PLXDC1: variants seen among roughly 807,000 people sequenced by gnomAD.
PLXDC1 encodes the protein plexin domain containing 1.
A neutral mutation model predicts 61.3 loss-of-function variants in PLXDC1; 39 were observed. The ratio of observed to expected loss-of-function variants is 0.64; its 90% confidence interval spans 0.49 to 0.83. The LOEUF (loss-of-function observed/expected upper bound fraction) is 0.83. Ranked by LOEUF, PLXDC1 falls within the 40% of genes least tolerant of loss-of-function variation. The pLI is 0.00. For synonymous variants in PLXDC1, 212 were observed against 254.5 expected, an observed-to-expected ratio of 0.83 and a Z score of 1.59; for missense variants, 596 against 666.5, an observed-to-expected ratio of 0.89 and a Z score of 1.17.
At chr17:39,091,820 G>A (rs142733828) in intron 7 of PLXDC1, among the ~76,000 whole-genome samples, 2,506 of 152,014 alleles carry the variant, frequency 0.016, 74 homozygotes, top group African/African-American at 0.057. Flanking sequence ...TTAGCCAGGC[G>A]TGGTGGTGAG....
Position 39,107,272 on chromosome 17 carries a change from G to C in PLXDC1, c.711+135C>G, listed in dbSNP as rs141511167. 6.6e-6 allele frequency: 4 copies of C among 608,130 alleles called. No individual in the cohort carries two copies. The East Asian group carries it at 1.1e-4, about 17-fold the overall frequency. 37.7% of individuals were successfully genotyped at this position (608,130 alleles called of 1,614,324 possible). A position where few individuals can be genotyped will look rare whatever the true frequency, so the allele number is the denominator to read the frequency against. ...CAGACTTACTGCTCCAAAAGGGTAG[G>C]ACCCGCAAACATCTTGTTAACTGCT... On this transcript the variant is annotated intron_variant, in intron 6 of 13. Coordinates refer to ENST00000315392, the MANE Select transcript of PLXDC1 (RefSeq NM_020405.5).
At chr17:39,087,223 C>A (rs1166298926) in intron 8 of PLXDC1, among the ~76,000 whole-genome samples, 2 of 152,210 alleles carry the variant, frequency 1.3e-5, no homozygotes, top group Non-Finnish European at 2.9e-5. Flanking sequence ...AATACAGTGA[C>A]AAACTGAGGC....
chr17:39,129,626 A>T (rs1047744549), intron 2 of PLXDC1, among the ~76,000 whole-genome samples: 1 of 130,340 alleles, frequency 7.7e-6, no homozygotes, highest in Non-Finnish European at 1.6e-5. Context: ...GAAAGAAAGA[A>T]AGAAAAGAAA....
At chr17:39,070,480 A>G (rs1909073484) in intron 12 of PLXDC1, 1 of 154,414 alleles carries the variant, frequency 6.5e-6, no homozygotes, top group Non-Finnish European at 1.4e-5. Flanking sequence ...ACACCCACCT[A>G]ATAGGGTTAT....
chr17:39,146,693 T>C (rs1335022516), intron 1 of PLXDC1, among the ~76,000 whole-genome samples: 2 of 150,902 alleles, frequency 1.3e-5, no homozygotes, highest in East Asian at 4.0e-4. Context: ...TTATTAATAA[T>C]AAATTTTAAA....
At chr17:39,086,833 G>A (rs891716386) in intron 8 of PLXDC1, among the ~76,000 whole-genome samples, 1 of 120,050 alleles carries the variant, frequency 8.3e-6, no homozygotes, top group Non-Finnish European at 1.6e-5. Context: ...CTGCACTCTA[G>A]CCTGGGCAAC....
chr17:39,100,732 G>C (rs1400886064), intron 7 of PLXDC1, among the ~76,000 whole-genome samples: 1 of 152,242 alleles, frequency 6.6e-6, no homozygotes. Flanking sequence ...AGGTGATACG[G>C]AGATGATTTA....
In PLXDC1 at chr17:39,149,048, T is replaced by C. The variant is rs73983243; in HGVS notation, c.76+2314A>G. 6.7e-3 allele frequency among the ~76,000 whole-genome samples: 1,023 copies of C among 152,250 alleles called. 13 individuals are homozygous for C. The highest frequency in any genetic ancestry group is 0.023 in the African/African-American group (960 of 41,522). ...CCATCTGACCAGACTGTCAGTTCCC[T>C]GGGCCCCTGCTCTGCACCCCAAGGC... On this transcript the variant is annotated intron_variant, in intron 1 of 13. Transcript: ENST00000315392.
intron 2 of PLXDC1, among the ~76,000 whole-genome samples, chr17:39,128,065 C>A (rs74558567): frequency 1.1e-4 from 3 of 26,522 alleles, no homozygotes; most frequent in South Asian, 3.1e-3. Flanking sequence ...CTCTCTCTCT[C>A]TGTCTCTCTC....
chr17:39,131,246 G>A (rs137897934), intron 2 of PLXDC1, among the ~76,000 whole-genome samples: 1 of 152,256 alleles, frequency 6.6e-6, no homozygotes, highest in African/African-American at 2.4e-5. Flanking sequence ...GACCAAGATC[G>A]AGGGCCAGGA....
intron 6 of PLXDC1, among the ~76,000 whole-genome samples, chr17:39,106,787 T>G (rs977519749): frequency 2.0e-5 from 3 of 151,840 alleles, no homozygotes; most frequent in Non-Finnish European, 4.4e-5. Flanking sequence ...GTAGCTGAGA[T>G]TACAGGTGCC....
intron 2 of PLXDC1, among the ~76,000 whole-genome samples, chr17:39,130,288 AC>A (rs1911516693): frequency 6.6e-6 from 1 of 152,108 alleles, no homozygotes; most frequent in Non-Finnish European, 1.5e-5. Flanking sequence ...TCTTGTCTCT[AC>A]AAAAAATTTA....
chr17:39,078,078 A>C, intron 10 of PLXDC1, 30 bp from the exon 11 acceptor site: 1 of 1,563,860 alleles, frequency 6.4e-7, no homozygotes, highest in South Asian at 1.2e-5. Flanking sequence ...CTGTGTCTTG[A>C]ATGCATTTAC....
rs189454619 is a variant in PLXDC1 at position 39,138,993 on chromosome 17, G to A, written c.255+661C>T. 4.4e-3 allele frequency among the ~76,000 whole-genome samples: 662 copies of A among 152,050 alleles called. 17 individuals carry two copies. Among genetic ancestry groups the A allele is most frequent in the Non-Finnish European group, 1.0e-3 (71 of 68,000 alleles). On this transcript the variant is annotated intron_variant, in intron 2 of 13. Transcript: ENST00000315392. ...CATCTGACACAGGTGCGAACCCAGC[G>A]TCCATGACACACACACCCATTCCCA...
intron 7 of PLXDC1, among the ~76,000 whole-genome samples, chr17:39,090,689 C>T (rs1056180430): frequency 6.6e-5 from 10 of 152,176 alleles, no homozygotes; most frequent in African/African-American, 1.7e-4. Flanking sequence ...CAGGAGCCCT[C>T]GAAGCATGTG....
At chr17:39,129,639 AAGAGAGAGAGAG>A (rs142405651) in intron 2 of PLXDC1, among the ~76,000 whole-genome samples, 1 of 139,898 alleles carries the variant, frequency 7.1e-6, no homozygotes, top group African/African-American at 2.8e-5. Flanking sequence ...AAAAGAAAGA[AAGAGAGAGAGAG>A]AGAGAGAAAG....
intron 2 of PLXDC1, among the ~76,000 whole-genome samples, chr17:39,119,054 G>A (rs1369654163): frequency 6.6e-6 from 1 of 152,206 alleles, no homozygotes; most frequent in African/African-American, 2.4e-5. Flanking sequence ...ATGAAAAGGA[G>A]GCAAGAACTG....
At chr17:39,111,377 C>T (rs1405891465) in intron 2 of PLXDC1, among the ~76,000 whole-genome samples, 3 of 152,194 alleles carry the variant, frequency 2.0e-5, no homozygotes, top group Non-Finnish European at 2.9e-5. Context: ...CTCCGTCTCC[C>T]GGGTTCAAGC....
chr17:39,145,725 C>G (rs1343325370), intron 1 of PLXDC1, among the ~76,000 whole-genome samples: 1 of 152,162 alleles, frequency 6.6e-6, no homozygotes, highest in Non-Finnish European at 1.5e-5. Context: ...CTTGGAACTT[C>G]ATTGTAGTAT....
Sources: gnomAD v4.1 joint callset for allele counts (sites outside exome capture counted in the v4.1 genomes callset) on GRCh38, gnomAD v4.1.1 for gene constraint, MANE v1.5 for transcripts, NCBI Gene and HGNC (gene_info 2026-07-23, HGNC 2026-07-21) for gene names.